VPS13D: variants seen among roughly 807,000 people sequenced by gnomAD.
The protein encoded by VPS13D is intermembrane lipid transfer protein VPS13D.
A neutral mutation model predicts 461.9 loss-of-function variants in VPS13D; 187 were observed. The ratio of observed to expected loss-of-function variants is 0.40; its 90% CI spans 0.36 to 0.46. The LOEUF is 0.46. Among genes scored for constraint, VPS13D ranks in the 20% least tolerant of loss-of-function variants. VPS13D has a pLI of 0.60. For synonymous variants in VPS13D, 1,951 were observed against 1,986.3 expected, an observed-to-expected ratio of 0.98 and a Z score of 0.47; for missense variants, 4,711 against 5,364.9, an observed-to-expected ratio of 0.88 and a Z score of 3.81.
rs1645884460 is a variant in VPS13D, at chr1:12,491,710, C to A, written c.12663-5790C>A. Among the ~76,000 whole-genome samples, 2 of 152,250 alleles carry A rather than the reference C, an allele frequency of 1.3e-5. 1 individual carries two copies. The highest frequency in any genetic ancestry group is 4.1e-4 in the South Asian group (2 of 4,832). On this transcript the variant is annotated intron_variant, in intron 67 of 69. Transcript: ENST00000620676. ...GTATCAGCCACTGTATCCACAGCCCCTTCCCTGGGGGAAGAGTCCTCCATG... is the reference window on the plus strand; with the variant it reads ...GTATCAGCCACTGTATCCACAGCCCATTCCCTGGGGGAAGAGTCCTCCATG...
intron 65 of VPS13D, among the ~76,000 whole-genome samples, chr1:12,418,909 T>C (rs1030098452): frequency 2.6e-5 from 4 of 152,204 alleles, no homozygotes. Context: ...GCTGTTCAAG[T>C]GCCTGTGACA....
intron 54 of VPS13D, 34 bp downstream of exon 54, chr1:12,369,736 C>T (rs779576698): frequency 3.8e-6 from 6 of 1,587,382 alleles, no homozygotes; most frequent in Non-Finnish European, 5.2e-6. Flanking sequence ...TCCTATAAAG[C>T]AGAAGGTTCT....
intron 24 of VPS13D, among the ~76,000 whole-genome samples, chr1:12,294,046 C>G (rs1230380599): frequency 2.6e-5 from 4 of 152,180 alleles, no homozygotes; most frequent in Non-Finnish European, 5.9e-5. Flanking sequence ...ATCAGAAGTT[C>G]TAAACTGAGT....
intron 52 of VPS13D, among the ~76,000 whole-genome samples, chr1:12,365,219 A>C (rs1231653668): frequency 2.5e-4 from 38 of 152,130 alleles, no homozygotes; most frequent in Non-Finnish European, 7.3e-5. Context: ...GTTCTTTTTC[A>C]AGGTTGTTTT....
At position 12,415,159 on chromosome 1, in the gene VPS13D, C is replaced by T. The variant is rs773379605; in HGVS notation, c.12103C>T (p.Arg4035Trp). 6.8e-6 allele frequency: 11 copies of T among 1,613,994 alleles called. No individual in the cohort carries two copies. The highest frequency in any genetic ancestry group is 2.7e-5 in the African/African-American group (2 of 74,912). ...DAVINLDPFT[R>W]VHPYETKEFI... ...TGTGATTAATCTAGATCCATTCACT[C>T]GGGTACATCCCTATGAGACCAAGGA... Residue 4035 changes from arginine (R) to tryptophan (W), a missense_variant, in exon 64 of 70, where the codon CGG (arginine) becomes TGG (tryptophan). Coordinates refer to ENST00000620676, the MANE Select transcript of VPS13D (RefSeq NM_015378.4).
In VPS13D at chr1:12,277,975, A is replaced by G. The variant is rs946393792; in HGVS notation, c.4387A>G (p.Asn1463Asp). The G allele has an allele frequency of 6.2e-7, 1 of 1,614,228 alleles. No homozygotes were observed. The highest frequency in any genetic ancestry group is 1.3e-5 in the African/African-American group (1 of 75,070). The part of the protein sequence containing the change: ...FCPPSGSGSA[N>D]SQEEAHFTRH... The stretch of plus-strand genomic sequence containing the variant: ...CCCACCTTCCGGGTCTGGCAGTGCC[A>G]ACAGTCAGGAGGAAGCTCATTTCAC... Residue 1463 changes from asparagine to aspartate, a missense_variant, in exon 19 of 70, where the codon AAC (asparagine) becomes GAC (aspartate). By Grantham distance (23) the Asn-to-Asp change is conservative. Transcript: ENST00000620676.
chr1:12,371,242 C>T (rs1644111920), intron 54 of VPS13D, among the ~76,000 whole-genome samples: 1 of 152,086 alleles, frequency 6.6e-6, no homozygotes, highest in African/African-American at 2.4e-5. Flanking sequence ...CAGGAAACCA[C>T]CCATCTGCTT....
chr1:12,379,614 C>A lies in VPS13D; in HGVS notation c.11190+18C>A. On this transcript the variant is annotated intron_variant, in intron 57 of 69. Coordinates refer to ENST00000620676, the MANE Select transcript of VPS13D (RefSeq NM_015378.4). Reference sequence around the variant, plus strand: ...TCGTCCAGGTCAGTCGTTTTTGATCCCCAATTGCAGCAAGCAGTGGTTGAG... The same window carrying A: ...TCGTCCAGGTCAGTCGTTTTTGATCACCAATTGCAGCAAGCAGTGGTTGAG... 1 of 1,589,940 alleles carries A rather than the reference C, an allele frequency of 6.3e-7. No homozygotes were observed. The highest frequency in any genetic ancestry group is 8.6e-7 in the Non-Finnish European group (1 of 1,160,434).
intron 65 of VPS13D, among the ~76,000 whole-genome samples, chr1:12,440,068 T>G: frequency 6.6e-6 from 1 of 152,258 alleles, no homozygotes; most frequent in East Asian, 1.9e-4. Context: ...CTTAGCTCCC[T>G]AGATGCTGCC....
chr1:12,373,107 T>G (rs1267145850), intron 54 of VPS13D, among the ~76,000 whole-genome samples: 3 of 140,064 alleles, frequency 2.1e-5, no homozygotes, highest in Non-Finnish European at 3.0e-5. Context: ...TTTTTTTTTT[T>G]TTTTTTTTTT....
At chr1:12,390,259 G>C (rs1644407156) in intron 60 of VPS13D, among the ~76,000 whole-genome samples, 1 of 152,134 alleles carries the variant, frequency 6.6e-6, no homozygotes, top group African/African-American at 2.4e-5. Flanking sequence ...GGGAGAAACA[G>C]TACCATATAT....
Position 12,356,473 on chromosome 1 carries a change from G to A in VPS13D, c.9947G>A (p.Arg3316His), listed in dbSNP as rs1643886783. The A allele has an allele frequency of 6.2e-7, 1 of 1,614,050 alleles. No individual in the cohort carries two copies. The highest frequency in any genetic ancestry group is 2.2e-5 in the East Asian group (1 of 44,886). The change falls in exon 49 of 70, where the codon CGT becomes CAT. Residue 3316 changes from arginine to histidine, a missense_variant. Arg to His is a conservative substitution (Grantham distance 29). Transcript: ENST00000620676. ...AGQFEEHELA[R>H]SLSPLLFCYA... ...CAGTTTGAGGAGCATGAGCTGGCCC[G>A]TAGCCTGAGTCCTCTCTTATTCTGC...
chr1:12,461,442 C>T (rs1645411763), intron 67 of VPS13D, among the ~76,000 whole-genome samples: 1 of 152,190 alleles, frequency 6.6e-6, no homozygotes, highest in Non-Finnish European at 1.5e-5. Context: ...GAATGCCTTC[C>T]ATCTGGAAGC....
At position 12,255,214 on chromosome 1, in the gene VPS13D, G is replaced by T. The variant is rs540125640; in HGVS notation, c.670-1119G>T. On this transcript the variant is annotated intron_variant, in intron 7 of 69. Transcript: ENST00000620676. ...ACCTGCCTCGGCTTCACAAAGTGCT[G>T]GGATTACAGGCGTGAGTCACCATGC... 1.4e-3 allele frequency among the ~76,000 whole-genome samples: 214 copies of T among 152,284 alleles called. 1 individual carries two copies. The highest frequency in any genetic ancestry group is 5.0e-3 in the African/African-American group (206 of 41,562).
chr1:12,407,098 G>A (rs1644666190), intron 63 of VPS13D, among the ~76,000 whole-genome samples: 1 of 152,192 alleles, frequency 6.6e-6, no homozygotes, highest in Non-Finnish European at 1.5e-5. Context: ...AAGGAAAAAA[G>A]ATCCAGTATT....
At chr1:12,347,351 T>C (rs2101586533) in intron 44 of VPS13D, among the ~76,000 whole-genome samples, 1 of 152,270 alleles carries the variant, frequency 6.6e-6, no homozygotes, top group Admixed American at 6.5e-5. Flanking sequence ...GTTGTATTTT[T>C]AGTAGAGATG....
intron 67 of VPS13D, among the ~76,000 whole-genome samples, chr1:12,468,550 G>A (rs980383746): frequency 2.0e-5 from 3 of 152,142 alleles, no homozygotes; most frequent in South Asian, 4.2e-4. Flanking sequence ...ATTATGGCTC[G>A]GAAGCACTGA....
chr1:12,425,976 C>T (rs960039806), intron 65 of VPS13D, among the ~76,000 whole-genome samples: 4 of 152,236 alleles, frequency 2.6e-5, no homozygotes, highest in African/African-American at 9.6e-5. Context: ...AAAGCTCAAG[C>T]AGTCTTCCAT....
Position 12,510,546 on chromosome 1 carries a change from T to TGC in VPS13D, c.*1523_*1524insCG, listed in dbSNP as rs1553131581. On this transcript the variant is annotated 3_prime_UTR_variant, in exon 70 of 70. Transcript: ENST00000620676. The stretch of plus-strand genomic sequence containing the variant: ...GTGTCTGTGTGTGTGTGTGTGTGTG[T>TGC]GTGTGTGTGCGCGCGCGCGCGTGCA... 4 of 153,550 alleles carry TGC rather than the reference T, an allele frequency of 2.6e-5. No individual in the cohort carries two copies. Among genetic ancestry groups the TGC allele is most frequent in the African/African-American group, 9.7e-5 (4 of 41,138 alleles). The allele number at this position is 153,550 out of a possible 1,614,324, so 9.5% of individuals were successfully genotyped here.
Sources: allele counts gnomAD v4.1 joint callset (sites outside exome capture counted in the v4.1 genomes callset), GRCh38; gene constraint gnomAD v4.1.1; transcripts MANE v1.5; gene names NCBI Gene and HGNC (gene_info 2026-07-23, HGNC 2026-07-21).